The following ARHGAP20 variants were observed in gnomAD, a reference collection of about 807,000 sequenced individuals.
ARHGAP20 encodes rho GTPase-activating protein 20.
Under a neutral mutation model 73.7 loss-of-function variants are expected in ARHGAP20, and 34 were observed. The observed-to-expected ratio is 0.46, with a 90% CI of 0.35 to 0.61. The LOEUF (loss-of-function observed/expected upper bound fraction) is 0.61. ARHGAP20 is among the 20% of genes least tolerant of loss of function. The pLI is 0.00. For synonymous variants in ARHGAP20, 523 were observed against 518.2 expected, an observed-to-expected ratio of 1.01 and a Z score of -0.13; for missense variants, 1,314 against 1,420.9, an observed-to-expected ratio of 0.92 and a Z score of 1.21.
chr11:110,688,804 AAGG>A (rs1342169543), intron 2 of ARHGAP20, among the ~76,000 whole-genome samples: 1 of 152,130 alleles, frequency 6.6e-6, no homozygotes, highest in Non-Finnish European at 1.5e-5. Context: ...CATCTATTAA[AAGG>A]AGTTTACATT....
At chr11:110,672,928 G>A (rs113944269) in intron 2 of ARHGAP20, among the ~76,000 whole-genome samples, 42 of 152,272 alleles carry the variant, frequency 2.8e-4, no homozygotes, top group African/African-American at 9.6e-4. Context: ...TCTCACAAAT[G>A]TTGATAGCAG....
intron 3 of ARHGAP20, among the ~76,000 whole-genome samples, chr11:110,629,948 A>G (rs1344933682): frequency 6.6e-6 from 1 of 152,244 alleles, no homozygotes; most frequent in Admixed American, 6.5e-5. Context: ...TATAATTTTA[A>G]ACTGTAATGT....
In ARHGAP20 at chr11:110,588,167, T is replaced by C. The variant is rs117472944; in HGVS notation, c.1306-1842A>G. On this transcript the variant is annotated intron_variant, in intron 11 of 14. Coordinates refer to ENST00000683387, the MANE Select transcript of ARHGAP20 (RefSeq NM_001384657.1). ...AATAACAAGTTACGAAATACCACCATCATCACAGCTGAGAAGGATGTGAGA... is the reference window on the plus strand; with the variant it reads ...AATAACAAGTTACGAAATACCACCACCATCACAGCTGAGAAGGATGTGAGA... Among the ~76,000 whole-genome samples the C allele has an allele frequency of 1.6e-3, 251 of 152,236 alleles. 2 individuals carry two copies. The East Asian group carries it at 0.028, about 17-fold the overall frequency.
chr11:110,644,455 G>A (rs1362766385), intron 2 of ARHGAP20, among the ~76,000 whole-genome samples: 10 of 152,024 alleles, frequency 6.6e-5, no homozygotes, highest in African/African-American at 2.4e-4. Context: ...TACTAAAACA[G>A]ACACAGAGAC....
At chr11:110,671,842 T>C (rs1949834226) in intron 2 of ARHGAP20, among the ~76,000 whole-genome samples, 1 of 152,234 alleles carries the variant, frequency 6.6e-6, no homozygotes, top group South Asian at 2.1e-4. Flanking sequence ...TATACATATA[T>C]AGCCAATTGA....
At chr11:110,686,052 A>G (rs904388663) in intron 2 of ARHGAP20, among the ~76,000 whole-genome samples, 1 of 152,106 alleles carries the variant, frequency 6.6e-6, no homozygotes, top group East Asian at 1.9e-4. Context: ...TATTTGCAAA[A>G]ATTTGCATTA....
chr11:110,659,396 T>G lies in ARHGAP20; in HGVS notation c.189-28604A>C, dbSNP rs540693649. Among the ~76,000 whole-genome samples, 988 of 150,466 alleles carry G rather than the reference T, an allele frequency of 6.6e-3. 7 individuals carry two copies. Among genetic ancestry groups the G allele is most frequent in the Non-Finnish European group, 0.011 (755 of 67,418 alleles). ...TCTGTTCATATCCTTCGCCCACTTTTTGATGGGGTTGTTTGTTTTTTTCTT... is the reference window on the plus strand; with the variant it reads ...TCTGTTCATATCCTTCGCCCACTTTGTGATGGGGTTGTTTGTTTTTTTCTT... On this transcript the variant is annotated intron_variant, in intron 2 of 14. Transcript: ENST00000683387.
chr11:110,677,459 G>C (rs759198854), intron 2 of ARHGAP20, among the ~76,000 whole-genome samples: 1 of 152,138 alleles, frequency 6.6e-6, no homozygotes, highest in Non-Finnish European at 1.5e-5. Context: ...TTTGAGACCA[G>C]CCTTGGCAAG....
chr11:110,595,217 A>C (rs564332671), intron 9 of ARHGAP20, among the ~76,000 whole-genome samples: 79 of 152,182 alleles, frequency 5.2e-4, no homozygotes, highest in African/African-American at 9.6e-4. Flanking sequence ...GGAAGCATTC[A>C]CTTTGAAAAC....
At chr11:110,669,523 A>G (rs1949788081) in intron 2 of ARHGAP20, among the ~76,000 whole-genome samples, 1 of 152,038 alleles carries the variant, frequency 6.6e-6, no homozygotes, top group Admixed American at 6.5e-5. Flanking sequence ...CTCTTTTTTT[A>G]AAGATTATCT....
intron 9 of ARHGAP20, among the ~76,000 whole-genome samples, chr11:110,599,826 G>T (rs1948066458): frequency 6.6e-6 from 1 of 152,170 alleles, no homozygotes; most frequent in South Asian, 2.1e-4. Flanking sequence ...TGACCAGCCT[G>T]CAGAGAGGAG....
chr11:110,658,897 G>A (rs546448545), intron 2 of ARHGAP20, among the ~76,000 whole-genome samples: 10 of 152,102 alleles, frequency 6.6e-5, no homozygotes, highest in Non-Finnish European at 1.3e-4. Flanking sequence ...TAACTATATC[G>A]CCTGAAACTC....
At chr11:110,613,442 A>C (rs1948413360) in intron 6 of ARHGAP20, among the ~76,000 whole-genome samples, 1 of 152,184 alleles carries the variant, frequency 6.6e-6, no homozygotes, top group Non-Finnish European at 1.5e-5. Flanking sequence ...CCTTGACTTA[A>C]CCAGGGTACT....
intron 4 of ARHGAP20, among the ~76,000 whole-genome samples, chr11:110,619,287 GTATATGCAGTGATAGCA>G (rs1328266721): frequency 4.0e-5 from 5 of 124,476 alleles, no homozygotes; most frequent in African/African-American, 1.2e-4. Flanking sequence ...CAGTGATAGA[GTATATGCAGTGATAGCA>G]TATATGTAGA....
At chr11:110,588,111 G>A (rs10488767) in intron 11 of ARHGAP20, among the ~76,000 whole-genome samples, 47,325 of 152,018 alleles carry the variant, frequency 0.31, 9,189 homozygotes, top group Middle Eastern at 0.46. Context: ...ATAATAACTC[G>A]TAACATCTCA....
chr11:110,665,142 G>T (rs1949698270), intron 2 of ARHGAP20, among the ~76,000 whole-genome samples: 1 of 152,142 alleles, frequency 6.6e-6, no homozygotes, highest in Admixed American at 6.5e-5. Context: ...TTTTGAATGG[G>T]ATGTAAACAA....
chr11:110,609,007 TC>T lies in ARHGAP20; in HGVS notation c.751del (p.Glu251LysfsTer18). On this transcript the variant is annotated frameshift_variant, in exon 8 of 15. Transcript: ENST00000683387. LOFTEE classifies it high-confidence loss of function. ...ACCAATGAGTGGGTATGGAGCCTCT[TC>T]TTTGCCAGAATTGACCCACAACTGG... ...DYQLWVNSGK[E>X]EAPYPLIGHE... 1 of 1,613,746 alleles carries T rather than the reference TC, an allele frequency of 6.2e-7. No individual in the cohort carries two copies. Among genetic ancestry groups the T allele is most frequent in the Non-Finnish European group, 8.5e-7 (1 of 1,179,706 alleles).
chr11:110,577,799 A>G lies in ARHGAP20; in HGVS notation c.*1571T>C. ...TCCCCAAGAGGTAGGTAGCACCTAT[A>G]GCTAATACTGAAATAACTTCTTCTA... On this transcript the variant is annotated 3_prime_UTR_variant, in exon 15 of 15. Coordinates refer to ENST00000683387, the MANE Select transcript of ARHGAP20 (RefSeq NM_001384657.1). 2 of 985,848 alleles carry G rather than the reference A, an allele frequency of 2.0e-6. No individual in the cohort carries two copies. Among genetic ancestry groups the G allele is most frequent in the South Asian group, 9.4e-5 (2 of 21,284 alleles). 61.1% of individuals were successfully genotyped at this position (985,848 alleles called of 1,614,324 possible).
At chr11:110,623,075 T>C (rs1315093418) in intron 4 of ARHGAP20, among the ~76,000 whole-genome samples, 1 of 151,938 alleles carries the variant, frequency 6.6e-6, no homozygotes, top group Admixed American at 6.6e-5. Flanking sequence ...AAATCTGTCA[T>C]GGAAAAGAAG....
Sources: allele counts gnomAD v4.1 joint callset (sites outside exome capture counted in the v4.1 genomes callset), GRCh38; gene constraint gnomAD v4.1.1; transcripts MANE v1.5; gene names NCBI Gene and HGNC (gene_info 2026-07-23, HGNC 2026-07-21).